EYA2: variants seen among roughly 807,000 people sequenced by gnomAD.
EYA2 encodes EYA transcriptional coactivator and phosphatase 2.
A neutral mutation model predicts 69.2 loss-of-function variants in EYA2; 31 were observed. That is an observed-to-expected ratio of 0.45 (90% confidence interval 0.34 to 0.60). The LOEUF is 0.60. Among genes scored for constraint, EYA2 ranks in the 20% least tolerant of loss-of-function variants. The pLI is 0.02. For missense variants in EYA2, 622 were observed against 701.2 expected (o/e 0.89, Z 1.28); for synonymous variants, 257 against 279.4 (o/e 0.92, Z 0.80).
chr20:47,144,744 T>C (rs2033667330), intron 10 of EYA2, among the ~76,000 whole-genome samples: 1 of 152,156 alleles, frequency 6.6e-6, no homozygotes. Context: ...GGTAGAAACT[T>C]GAGGAAGAAA....
chr20:46,982,375 A>C (rs1684279541), intron 1 of EYA2, among the ~76,000 whole-genome samples: 1 of 152,146 alleles, frequency 6.6e-6, no homozygotes, highest in Admixed American at 6.5e-5. Context: ...GACTGCTTTT[A>C]AGATTAATTT....
At chr20:46,966,451 T>C (rs145442502) in intron 1 of EYA2, among the ~76,000 whole-genome samples, 2 of 152,276 alleles carry the variant, frequency 1.3e-5, no homozygotes, top group East Asian at 3.9e-4. Context: ...AAATATAACA[T>C]GCTTTACCAG....
At chr20:47,186,852 A>G (rs2034652910) in intron 15 of EYA2, among the ~76,000 whole-genome samples, 1 of 152,158 alleles carries the variant, frequency 6.6e-6, no homozygotes, top group African/African-American at 2.4e-5. Flanking sequence ...AACTACTGAG[A>G]AACGCCAGCA....
chr20:47,181,816 C>T (rs1340459322), intron 14 of EYA2, among the ~76,000 whole-genome samples: 2 of 152,004 alleles, frequency 1.3e-5, no homozygotes, highest in African/African-American at 2.4e-5. Flanking sequence ...TATGAAAGTG[C>T]CTTTTGATTT....
chr20:47,028,406 G>T (rs1260696869), intron 5 of EYA2, among the ~76,000 whole-genome samples: 1 of 152,202 alleles, frequency 6.6e-6, no homozygotes, highest in African/African-American at 2.4e-5. Flanking sequence ...CTCTTTTGAA[G>T]ATGCTTCACC....
intron 12 of EYA2, among the ~76,000 whole-genome samples, chr20:47,174,161 G>A (rs1164592766): frequency 6.6e-6 from 1 of 152,196 alleles, no homozygotes; most frequent in Non-Finnish European, 1.5e-5. Flanking sequence ...GTTTGAGTAG[G>A]TGGCTAATAG....
At chr20:47,146,718 GC>G (rs1322194270) in intron 10 of EYA2, among the ~76,000 whole-genome samples, 2 of 152,176 alleles carry the variant, frequency 1.3e-5, no homozygotes, top group Non-Finnish European at 2.9e-5. Context: ...CGTGCTCAAG[GC>G]CCGGCAAAGC....
intron 1 of EYA2, among the ~76,000 whole-genome samples, chr20:46,984,502 T>G (rs1156750227): frequency 6.6e-6 from 1 of 152,164 alleles, no homozygotes; most frequent in African/African-American, 2.4e-5. Context: ...TCACTAGTAA[T>G]CCTAGAAATG....
intron 14 of EYA2, among the ~76,000 whole-genome samples, chr20:47,182,458 A>G (rs1434805032): frequency 6.6e-6 from 1 of 150,434 alleles, no homozygotes; most frequent in Admixed American, 6.6e-5. Flanking sequence ...GTGAAAACTC[A>G]TCTGTACTAA....
intron 1 of EYA2, among the ~76,000 whole-genome samples, chr20:46,896,367 G>A (rs1278964934): frequency 2.0e-5 from 3 of 150,926 alleles, no homozygotes; most frequent in Non-Finnish European, 2.9e-5. Context: ...TGACCCATTT[G>A]TTAGCAACTA....
At chr20:46,970,214 A>G (rs1376452525) in intron 1 of EYA2, among the ~76,000 whole-genome samples, 1 of 152,220 alleles carries the variant, frequency 6.6e-6, no homozygotes, top group Non-Finnish European at 1.5e-5. Flanking sequence ...ATCCAGAGCG[A>G]ATGTGAATTC....
intron 9 of EYA2, among the ~76,000 whole-genome samples, chr20:47,116,976 C>A (rs1408835006): frequency 1.3e-5 from 2 of 150,066 alleles, no homozygotes; most frequent in Non-Finnish European, 1.5e-5. Context: ...GCTGTAGACT[C>A]ACTGAACATG....
chr20:46,941,121 C>T (rs772600792), intron 1 of EYA2, among the ~76,000 whole-genome samples: 11 of 152,296 alleles, frequency 7.2e-5, no homozygotes, highest in Non-Finnish European at 1.5e-4. Flanking sequence ...ACTAGGGGAC[C>T]CCCGTGCTGG....
At chr20:46,959,599 G>C (rs570675946) in intron 1 of EYA2, among the ~76,000 whole-genome samples, 2 of 152,080 alleles carry the variant, frequency 1.3e-5, no homozygotes, top group African/African-American at 2.4e-5. Flanking sequence ...TCACTCTGCC[G>C]TTGGCATCCC....
intron 5 of EYA2, among the ~76,000 whole-genome samples, chr20:47,045,301 T>C (rs1177809176): frequency 6.6e-6 from 1 of 152,152 alleles, no homozygotes; most frequent in African/African-American, 2.4e-5. Flanking sequence ...CCTCCAGATA[T>C]CCAACCAGCT....
At chr20:47,153,040 A>G (rs991268956) in intron 10 of EYA2, among the ~76,000 whole-genome samples, 5 of 151,894 alleles carry the variant, frequency 3.3e-5, no homozygotes, top group Admixed American at 6.5e-5. Context: ...ACTCAACCCA[A>G]TATGTTGGAC....
At chr20:47,092,948 A>G (rs1014326746) in intron 8 of EYA2, among the ~76,000 whole-genome samples, 24 of 152,186 alleles carry the variant, frequency 1.6e-4, no homozygotes, top group Admixed American at 1.6e-3. Flanking sequence ...CCAGGGACCA[A>G]CTTGAGCTAC....
chr20:46,932,574 G>A (rs1310074795), intron 1 of EYA2, among the ~76,000 whole-genome samples: 1 of 152,206 alleles, frequency 6.6e-6, no homozygotes, highest in Non-Finnish European at 1.5e-5. Flanking sequence ...GTTCATGAGA[G>A]CTGATGCTGT....
At chr20:47,009,094 G>C (rs1982902852) in intron 4 of EYA2, among the ~76,000 whole-genome samples, 2 of 152,198 alleles carry the variant, frequency 1.3e-5, no homozygotes. Flanking sequence ...CCCTGATCTA[G>C]ATGAAGGGCT....
Sources: gnomAD v4.1 joint callset for allele counts (sites outside exome capture counted in the v4.1 genomes callset) on GRCh38, gnomAD v4.1.1 for gene constraint, MANE v1.5 for transcripts, NCBI Gene and HGNC (gene_info 2026-07-23, HGNC 2026-07-21) for gene names.